The following NPAS3 variants were observed in gnomAD, a reference collection of about 807,000 sequenced individuals.
The protein encoded by NPAS3 is neuronal PAS domain-containing protein 3.
NPAS3 carries 14 observed loss-of-function variants against 73.1 expected under a neutral mutation model. The ratio of observed to expected loss-of-function variants is 0.19; its 90% CI spans 0.13 to 0.30. NPAS3 has a LOEUF of 0.30. Among genes scored for constraint, NPAS3 ranks in the 10% least tolerant of loss-of-function variants. NPAS3 has a pLI of 1.00. For synonymous variants in NPAS3, 620 were observed against 541.5 expected (o/e 1.14, Z -2.01); for missense variants, 1,096 against 1,250.0 (o/e 0.88, Z 1.86).
intron 3 of NPAS3, among the ~76,000 whole-genome samples, chr14:33,254,489 T>C (rs1029800417): frequency 6.6e-6 from 1 of 152,216 alleles, no homozygotes; most frequent in Non-Finnish European, 1.5e-5. Flanking sequence ...CCTGTGTACA[T>C]TTTTATTGCT....
chr14:33,326,539 G>A (rs1001030399), intron 3 of NPAS3, among the ~76,000 whole-genome samples: 2 of 152,160 alleles, frequency 1.3e-5, no homozygotes, highest in Admixed American at 1.3e-4. Flanking sequence ...CAAGCTTTTT[G>A]TGCATGTGTG....
intron 7 of NPAS3, 145 bp downstream of exon 7, chr14:33,735,477 C>T: frequency 1.5e-6 from 1 of 660,066 alleles, no homozygotes; most frequent in Non-Finnish European, 2.7e-6. Context: ...CTTCCTGTCT[C>T]AAGGCAGGAG....
intron 1 of NPAS3, among the ~76,000 whole-genome samples, chr14:32,945,931 T>G (rs954768685): frequency 1.3e-5 from 2 of 152,202 alleles, no homozygotes; most frequent in East Asian, 1.9e-4. Context: ...TCACAGCATA[T>G]GAAGTTCTCA....
At chr14:33,680,563 TTCATGTTTCTCTAAG>T in intron 6 of NPAS3, 2 of 701,788 alleles carry the variant, frequency 2.8e-6, no homozygotes, top group Non-Finnish European at 5.2e-6. Context: ...CTTTTTCATT[TTCATGTTTCTCTAAG>T]ATAAAATTCC....
At chr14:33,159,388 C>T (rs918767963) in intron 2 of NPAS3, among the ~76,000 whole-genome samples, 3 of 152,068 alleles carry the variant, frequency 2.0e-5, no homozygotes, top group African/African-American at 7.2e-5. Flanking sequence ...AATGAACCTA[C>T]AACCCCCAAG....
At chr14:33,599,253 T>C (rs1461898728) in intron 5 of NPAS3, among the ~76,000 whole-genome samples, 4 of 152,240 alleles carry the variant, frequency 2.6e-5, no homozygotes, top group Admixed American at 1.3e-4. Flanking sequence ...TCTCCTGTTT[T>C]GAAACATTTT....
intron 5 of NPAS3, among the ~76,000 whole-genome samples, chr14:33,627,260 A>G (rs917229412): frequency 1.3e-5 from 2 of 152,138 alleles, no homozygotes; most frequent in Non-Finnish European, 2.9e-5. Context: ...ATAACGTACA[A>G]ATAAAGTTGT....
chr14:33,217,355 G>T (rs1290456514), intron 3 of NPAS3, among the ~76,000 whole-genome samples: 10 of 152,100 alleles, frequency 6.6e-5, no homozygotes, highest in African/African-American at 2.2e-4. Flanking sequence ...CCAAGCTAAA[G>T]ATGTAAATAT....
chr14:33,691,669 A>G (rs2060239112), intron 6 of NPAS3, among the ~76,000 whole-genome samples: 1 of 152,206 alleles, frequency 6.6e-6, no homozygotes, highest in South Asian at 2.1e-4. Context: ...TTAATTTCAA[A>G]TTAATTCTTA....
intron 1 of NPAS3, among the ~76,000 whole-genome samples, chr14:32,955,338 A>T (rs935200920): frequency 1.3e-5 from 2 of 152,160 alleles, no homozygotes; most frequent in East Asian, 3.8e-4. Context: ...TTTGTTGGAT[A>T]CATTGCAGTC....
intron 5 of NPAS3, among the ~76,000 whole-genome samples, chr14:33,666,291 T>G (rs530898311): frequency 6.6e-6 from 1 of 152,326 alleles, no homozygotes; most frequent in East Asian, 1.9e-4. Context: ...AACCCTCTTG[T>G]GTCCTGGATT....
chr14:32,960,942 G>C (rs992368887), intron 1 of NPAS3, among the ~76,000 whole-genome samples: 10 of 152,208 alleles, frequency 6.6e-5, no homozygotes, highest in Admixed American at 5.9e-4. Context: ...GAAGTATTTA[G>C]AGAAATGTTT....
chr14:33,388,509 G>A (rs958106936), intron 4 of NPAS3, among the ~76,000 whole-genome samples: 3 of 151,776 alleles, frequency 2.0e-5, no homozygotes, highest in African/African-American at 4.8e-5. Context: ...GGGGGCGGGG[G>A]GCAGAAATAG....
chr14:33,073,250 G>A (rs2041546590), intron 2 of NPAS3, among the ~76,000 whole-genome samples: 2 of 152,266 alleles, frequency 1.3e-5, no homozygotes, highest in South Asian at 4.1e-4. Flanking sequence ...TCTCAAAGAA[G>A]TTGCATGCCA....
rs57147759 is a variant in NPAS3 at position 33,083,178 on chromosome 14, CAAAAAAAAA to C, written c.140+27212_140+27220del. 7.2e-4 allele frequency among the ~76,000 whole-genome samples: 47 copies of C among 65,004 alleles called. 2 individuals are homozygous for C. Among genetic ancestry groups the C allele is most frequent in the African/African-American group, 1.8e-3 (41 of 23,256 alleles). 42.6% of individuals were successfully genotyped at this position (65,004 alleles called of 152,430 possible). A position where few individuals can be genotyped will look rare whatever the true frequency, so the allele number is the denominator to read the frequency against. On this transcript the variant is annotated intron_variant, in intron 2 of 11. Coordinates refer to ENST00000356141, the Ensembl canonical transcript of NPAS3. Reference sequence around the variant, plus strand: ...AGCCTGGGTAATGGCGAGACTGTCTCAAAAAAAAAAAAAAAAAAAAAAAAAAAAAAAAAA... The same window carrying C: ...AGCCTGGGTAATGGCGAGACTGTCTCAAAAAAAAAAAAAAAAAAAAAAAAA...
chr14:33,240,591 TA>T (rs1253678712), intron 3 of NPAS3, among the ~76,000 whole-genome samples: 1 of 151,856 alleles, frequency 6.6e-6, no homozygotes, highest in Non-Finnish European at 1.5e-5. Flanking sequence ...TCTTCTTTAA[TA>T]AACTCTGATT....
At chr14:33,736,536 C>T (rs1175018945) in intron 7 of NPAS3, among the ~76,000 whole-genome samples, 2 of 152,162 alleles carry the variant, frequency 1.3e-5, no homozygotes, top group Non-Finnish European at 2.9e-5. Flanking sequence ...AGAAAACAGA[C>T]CCTATCCTTA....
At chr14:33,248,082 A>G (rs1436232736) in intron 3 of NPAS3, among the ~76,000 whole-genome samples, 2 of 152,238 alleles carry the variant, frequency 1.3e-5, no homozygotes, top group Non-Finnish European at 2.9e-5. Context: ...GTGAAAAATG[A>G]CTGCAAGTGA....
rs574103947 is a variant in NPAS3, at chr14:33,501,143, T to TA, written c.469-58977dup. ...AAATCCTTACAGAAATGATATAAAT[T>TA]AGAGTGTGTGTGCTAAACATATCCC... On this transcript the variant is annotated intron_variant, in intron 4 of 11. Coordinates refer to ENST00000356141, the Ensembl canonical transcript of NPAS3. Among the ~76,000 whole-genome samples the TA allele has an allele frequency of 3.9e-5, 6 of 152,058 alleles. No individual in the cohort carries two copies. The South Asian group carries it at 1.2e-3, about 32-fold the overall frequency.
Sources: gnomAD v4.1 joint callset for allele counts (sites outside exome capture counted in the v4.1 genomes callset) on GRCh38, gnomAD v4.1.1 for gene constraint, MANE v1.5 for transcripts, NCBI Gene and HGNC (gene_info 2026-07-23, HGNC 2026-07-21) for gene names.